Variants in GALNT7 observed in about 807,000 individuals in gnomAD.
GALNT7 encodes N-acetylgalactosaminyltransferase 7.
A neutral mutation model predicts 82.1 loss-of-function variants in GALNT7; 60 were observed. That is an observed-to-expected ratio of 0.73 (90% CI 0.59 to 0.91). GALNT7 has a LOEUF of 0.91. Ranked by LOEUF, GALNT7 falls within the 40% of genes least tolerant of loss-of-function variation. The pLI is 0.00. For synonymous variants in GALNT7, 243 were observed against 275.1 expected (o/e 0.88, Z 1.15); for missense variants, 660 against 804.2 (o/e 0.82, Z 2.17).
At chr4:173,232,822 G>A (rs1734074570) in intron 1 of GALNT7, among the ~76,000 whole-genome samples, 1 of 152,130 alleles carries the variant, frequency 6.6e-6, no homozygotes, top group African/African-American at 2.4e-5. Flanking sequence ...TCACCCTACT[G>A]TGGTACTGAA....
chr4:173,172,447 T>A (rs1291438276), intron 1 of GALNT7, among the ~76,000 whole-genome samples: 2 of 152,230 alleles, frequency 1.3e-5, no homozygotes, highest in African/African-American at 2.4e-5. Flanking sequence ...ACTCCTGAGA[T>A]CTTAGTGGGA....
At chr4:173,200,556 A>G (rs1023480844) in intron 1 of GALNT7, among the ~76,000 whole-genome samples, 2 of 152,180 alleles carry the variant, frequency 1.3e-5, no homozygotes, top group South Asian at 2.1e-4. Context: ...TTATTTTAGG[A>G]TTCCATGTGC....
intron 2 of GALNT7, among the ~76,000 whole-genome samples, chr4:173,267,226 A>T (rs1735535668): frequency 6.6e-6 from 1 of 152,094 alleles, no homozygotes; most frequent in Non-Finnish European, 1.5e-5. Context: ...ATTAATTTTT[A>T]AAAGCCACCT....
chr4:173,264,129 C>T (rs1364212457), intron 2 of GALNT7, among the ~76,000 whole-genome samples: 2 of 152,120 alleles, frequency 1.3e-5, no homozygotes, highest in Non-Finnish European at 2.9e-5. Flanking sequence ...GATTTTTCCA[C>T]CCCCTCCACC....
In GALNT7 at chr4:173,302,914, A is replaced by C. The variant is rs12186296; in HGVS notation, c.1266+750A>C. Among the ~76,000 whole-genome samples, 19,717 of 152,258 alleles carry C rather than the reference A, an allele frequency of 0.13. 1,578 individuals carry two copies. Among genetic ancestry groups the C allele is most frequent in the Non-Finnish European group, 0.18 (12,521 of 68,016 alleles). On this transcript the variant is annotated intron_variant, in intron 7 of 11. Coordinates refer to ENST00000265000, the MANE Select transcript of GALNT7 (RefSeq NM_017423.3). The surrounding 1 kb of genome is among the most constrained non-coding windows in gnomAD (Gnocchi z 4.2). ...TGGCATTCAGTTGGTGTGCTTAAAA[A>C]ACCGTCGGCCAGGCGCTCATGCCTA...
At chr4:173,202,078 T>G (rs1437408794) in intron 1 of GALNT7, among the ~76,000 whole-genome samples, 1 of 152,220 alleles carries the variant, frequency 6.6e-6, no homozygotes, top group African/African-American at 2.4e-5. Flanking sequence ...TTTTTCTTCT[T>G]TCTGATGATC....
At chr4:173,272,328 A>G (rs994781030) in intron 2 of GALNT7, among the ~76,000 whole-genome samples, 4 of 152,210 alleles carry the variant, frequency 2.6e-5, no homozygotes, top group Non-Finnish European at 5.9e-5. Context: ...CTATTTCAAG[A>G]TGACAGTTGA....
At chr4:173,249,242 G>A (rs1278051394) in intron 2 of GALNT7, among the ~76,000 whole-genome samples, 1 of 152,168 alleles carries the variant, frequency 6.6e-6, no homozygotes, top group Non-Finnish European at 1.5e-5. Context: ...ATGATGTATT[G>A]TTAGCATAAT....
intron 2 of GALNT7, among the ~76,000 whole-genome samples, chr4:173,277,077 C>A (rs1735939038): frequency 1.3e-5 from 2 of 152,134 alleles, no homozygotes; most frequent in African/African-American, 4.8e-5. Flanking sequence ...GAAAAGCTCT[C>A]AGTTTAACTC....
At chr4:173,281,613 G>A (rs1037089608) in intron 2 of GALNT7, among the ~76,000 whole-genome samples, 2 of 152,190 alleles carry the variant, frequency 1.3e-5, no homozygotes, top group African/African-American at 4.8e-5. Flanking sequence ...AAGGGAAGTT[G>A]TCTCTAGGTC....
At chr4:173,229,086 C>T (rs775403312) in intron 1 of GALNT7, among the ~76,000 whole-genome samples, 2 of 152,150 alleles carry the variant, frequency 1.3e-5, no homozygotes, top group Non-Finnish European at 2.9e-5. Context: ...TGCAAAATCA[C>T]AATAGCAAGC....
chr4:173,277,061 C>G (rs922770473), intron 2 of GALNT7, among the ~76,000 whole-genome samples: 1 of 152,082 alleles, frequency 6.6e-6, no homozygotes, highest in African/African-American at 2.4e-5. Flanking sequence ...TTGATTAAAA[C>G]TTAGTGAAAA....
intron 1 of GALNT7, among the ~76,000 whole-genome samples, chr4:173,199,053 T>C (rs1032217123): frequency 1.3e-5 from 2 of 152,206 alleles, no homozygotes; most frequent in Non-Finnish European, 2.9e-5. Context: ...GGAAAGCTGT[T>C]GCAATAAGAG....
At chr4:173,288,110 C>T (rs1007119029) in intron 2 of GALNT7, among the ~76,000 whole-genome samples, 2 of 150,814 alleles carry the variant, frequency 1.3e-5, no homozygotes, top group Admixed American at 6.6e-5. Flanking sequence ...GGTGAAACCC[C>T]GTCTCTACTA....
intron 2 of GALNT7, among the ~76,000 whole-genome samples, chr4:173,257,614 G>A (rs1735092904): frequency 6.6e-6 from 1 of 152,118 alleles, no homozygotes; most frequent in Non-Finnish European, 1.5e-5. Flanking sequence ...CTGTAGCTTT[G>A]CTTCCCTCTT....
At position 173,304,115 on chromosome 4, in the gene GALNT7, G is replaced by A; in HGVS notation, c.1386G>A (p.Leu462=). 3.7e-6 allele frequency: 6 copies of A among 1,612,512 alleles called. No individual in the cohort carries two copies. The highest frequency in any genetic ancestry group is 5.1e-6 in the Non-Finnish European group (6 of 1,179,454). Residue 462 remains leucine, a synonymous_variant, in exon 8 of 12, where the codon CTG becomes CTA. Transcript: ENST00000265000. ...PPIYVGSSPT[L]KNYVRVVEVW... Reference sequence around the variant, plus strand: ...TTTATGTTGGGTCTTCTCCAACTCTGAAGGTGAGTTTTTTGGATAAAAGGG... The same window carrying A: ...TTTATGTTGGGTCTTCTCCAACTCTAAAGGTGAGTTTTTTGGATAAAAGGG...
chr4:173,191,087 A>C (rs1732613537), intron 1 of GALNT7, among the ~76,000 whole-genome samples: 1 of 152,166 alleles, frequency 6.6e-6, no homozygotes, highest in African/African-American at 2.4e-5. Flanking sequence ...GGAAATATTA[A>C]GGAAACACAC....
chr4:173,317,436 A>G (rs956529462), intron 9 of GALNT7, 198 bp from the exon 10 acceptor site: 8 of 495,546 alleles, frequency 1.6e-5, no homozygotes, highest in African/African-American at 1.6e-4. Flanking sequence ...GAAAGAACCC[A>G]TTCCAGTGTT....
At chr4:173,184,418 G>A (rs940396606) in intron 1 of GALNT7, among the ~76,000 whole-genome samples, 3 of 152,008 alleles carry the variant, frequency 2.0e-5, no homozygotes, top group South Asian at 2.1e-4. Flanking sequence ...CCAACACGGC[G>A]AAACCCCGTC....
Sources: allele counts gnomAD v4.1 joint callset (sites outside exome capture counted in the v4.1 genomes callset), GRCh38; gene constraint gnomAD v4.1.1; non-coding constraint Gnocchi (gnomAD v3.1); transcripts MANE v1.5; gene names NCBI Gene and HGNC (gene_info 2026-07-23, HGNC 2026-07-21).